DPP4: variants seen among roughly 807,000 people sequenced by gnomAD.
DPP4 encodes the protein dipeptidyl peptidase 4, also known as ADCP-2.
A neutral mutation model predicts 122.4 loss-of-function variants in DPP4; 93 were observed. The ratio of observed to expected loss-of-function variants is 0.76; its 90% CI spans 0.64 to 0.90. The LOEUF is 0.90. Among genes scored for constraint, DPP4 ranks in the 40% least tolerant of loss-of-function variants. The pLI is 0.00. For synonymous variants in DPP4, 321 were observed against 302.9 expected (o/e 1.06, Z -0.62); for missense variants, 914 against 907.3 (o/e 1.01, Z -0.09).
intron 11 of DPP4, among the ~76,000 whole-genome samples, chr2:162,024,287 C>A (rs1683239272): frequency 6.6e-6 from 1 of 152,242 alleles, no homozygotes; most frequent in African/African-American, 2.4e-5. Context: ...GTTGGATGAA[C>A]AGAGTTGGCC....
intron 12 of DPP4, 142 bp from the exon 13 acceptor site, chr2:162,020,830 A>G (rs1255502509): frequency 3.7e-6 from 2 of 538,708 alleles, no homozygotes; most frequent in Admixed American, 7.5e-5. Flanking sequence ...TAGTGTCTCA[A>G]AAAGAAAATT....
intron 2 of DPP4, among the ~76,000 whole-genome samples, chr2:162,067,016 T>C (rs1684969050): frequency 3.6e-5 from 1 of 27,672 alleles, no homozygotes; most frequent in Non-Finnish European, 8.8e-5. Flanking sequence ...TAGCAGGCCA[T>C]ATCCCCCATA....
At chr2:161,999,605 T>C (rs914431495) in intron 23 of DPP4, among the ~76,000 whole-genome samples, 1 of 152,184 alleles carries the variant, frequency 6.6e-6, no homozygotes, top group Non-Finnish European at 1.5e-5. Flanking sequence ...GAGCTTTTCC[T>C]TCAGTCCCCA....
chr2:162,011,901 A>G lies in DPP4; in HGVS notation c.1724T>C (p.Val575Ala). Residue 575 changes from valine (V) to alanine (A), a missense_variant, in exon 20 of 26, where the codon GTA (valine) becomes GCA (alanine). By Grantham distance (64) the Val-to-Ala change is moderately conservative. Coordinates refer to ENST00000360534, the MANE Select transcript of DPP4 (RefSeq NM_001935.4). ...ACTTCCTCTGCCATCAAAGCTAGCT[A>G]CTATAATGTTTTCTGTGCTTGCAAG... ...TYLASTENII[V>A]ASFDGRGSGY... 6.2e-7 allele frequency: 1 copy of G among 1,613,806 alleles called. No homozygotes were observed. Among genetic ancestry groups the G allele is most frequent in the Non-Finnish European group, 8.5e-7 (1 of 1,179,778 alleles).
chr2:162,012,885 G>A (rs540451706), intron 19 of DPP4, among the ~76,000 whole-genome samples: 2 of 152,114 alleles, frequency 1.3e-5, no homozygotes, highest in South Asian at 4.2e-4. Flanking sequence ...CTGCTTACAT[G>A]CCTTTGCTAA....
Position 161,993,202 on chromosome 2 carries a change from T to C in DPP4, c.*81A>G. On this transcript the variant is annotated 3_prime_UTR_variant, in exon 26 of 26. Coordinates refer to ENST00000360534, the MANE Select transcript of DPP4 (RefSeq NM_001935.4). ...TGAGTGTGTATTTTAAAGATCATCA[T>C]CATCTTGACAGTGCAGTTTTGAGAT... 1 of 1,089,286 alleles carries C rather than the reference T, an allele frequency of 9.2e-7. No homozygotes were observed. Among genetic ancestry groups the C allele is most frequent in the Non-Finnish European group, 1.4e-6 (1 of 718,766 alleles). The allele number at this position is 1,089,286 out of a possible 1,614,324, so 67.5% of individuals were successfully genotyped here.
chr2:162,043,746 C>T (rs1370880232), intron 5 of DPP4, among the ~76,000 whole-genome samples: 2 of 152,188 alleles, frequency 1.3e-5, no homozygotes, highest in Non-Finnish European at 2.9e-5. Context: ...TACTGAGGCT[C>T]ATCAGGCACA....
chr2:162,016,928 G>A (rs1461442878), intron 17 of DPP4, 62 bp from the exon 18 acceptor site: 2 of 1,486,400 alleles, frequency 1.3e-6, no homozygotes, highest in Non-Finnish European at 1.9e-6. Flanking sequence ...ATTATGTAGT[G>A]CAATAATGAG....
rs201282677 is a variant in DPP4 at position 162,038,443 on chromosome 2, C to T, written c.493-21G>A. The T allele has an allele frequency of 7.6e-6, 12 of 1,589,134 alleles. No homozygotes were observed. The African/African-American group carries it at 1.6e-4, about 22-fold the overall frequency. ...TATGCCTAGAAGGAAAAAAAACAAGCATTGATATCTATAATACATGTCATA... is the reference window on the plus strand; with the variant it reads ...TATGCCTAGAAGGAAAAAAAACAAGTATTGATATCTATAATACATGTCATA... On this transcript the variant is annotated intron_variant, in intron 7 of 25. Transcript: ENST00000360534.
intron 23 of DPP4, among the ~76,000 whole-genome samples, chr2:162,002,801 C>A (rs1016276656): frequency 4.6e-5 from 7 of 152,152 alleles, no homozygotes; most frequent in African/African-American, 1.7e-4. Context: ...TGTATTCCTG[C>A]CAGAGACAAA....
rs142229257 is a variant in DPP4 at position 161,995,004 on chromosome 2, A to G, written c.2156T>C (p.Ile719Thr). ...TCCAACATCGACCAGGGCTTTGGAG[A>G]TCTGAGCTGACTGCTGAAAGTGAAC... Reference protein sequence around the residue: ...DNVHFQQSAQISKALVDVGVD... With the variant: ...DNVHFQQSAQTSKALVDVGVD... Residue 719 changes from isoleucine (I) to threonine (T), a missense_variant, in exon 25 of 26, where the codon ATC (isoleucine) becomes ACC (threonine). By Grantham distance (89) the Ile-to-Thr change is moderately conservative. Coordinates refer to ENST00000360534, the MANE Select transcript of DPP4 (RefSeq NM_001935.4). 6 of 1,613,986 alleles carry G rather than the reference A, an allele frequency of 3.7e-6. No homozygotes were observed. The highest frequency in any genetic ancestry group is 5.1e-6 in the Non-Finnish European group (6 of 1,179,954).
At chr2:162,004,014 G>A (rs1422993844) in intron 23 of DPP4, among the ~76,000 whole-genome samples, 1 of 152,112 alleles carries the variant, frequency 6.6e-6, no homozygotes, top group Non-Finnish European at 1.5e-5. Flanking sequence ...CTGAATGGGT[G>A]GAGATGGAGG....
chr2:162,001,665 T>G (rs575951826), intron 23 of DPP4, among the ~76,000 whole-genome samples: 1 of 152,316 alleles, frequency 6.6e-6, no homozygotes, highest in African/African-American at 2.4e-5. Flanking sequence ...TGAGAGACCA[T>G]TCCTCACTGT....
chr2:162,004,221 A>T (rs1384752204), intron 23 of DPP4, among the ~76,000 whole-genome samples: 1 of 152,194 alleles, frequency 6.6e-6, no homozygotes, highest in East Asian at 1.9e-4. Flanking sequence ...GGTGGGAGTT[A>T]ATCTCCCAGC....
intron 4 of DPP4, among the ~76,000 whole-genome samples, chr2:162,046,457 G>A (rs1684175924): frequency 6.6e-6 from 1 of 152,142 alleles, no homozygotes; most frequent in South Asian, 2.1e-4. Context: ...CAGTGTGCTA[G>A]GACAGTGGGG....
intron 19 of DPP4, among the ~76,000 whole-genome samples, chr2:162,013,092 A>G (rs1316727944): frequency 6.6e-6 from 1 of 152,004 alleles, no homozygotes; most frequent in East Asian, 1.9e-4. Context: ...TATTAGGTAT[A>G]TATATCAAGT....
At chr2:162,025,049 G>T in intron 10 of DPP4, 110 bp from the exon 11 acceptor site, 1 of 1,207,436 alleles carries the variant, frequency 8.3e-7, no homozygotes, top group Non-Finnish European at 1.1e-6. Context: ...ATCTTAATGG[G>T]AAGTAGAATT....
intron 2 of DPP4, among the ~76,000 whole-genome samples, chr2:162,071,504 T>TG (rs1254260403): frequency 6.6e-6 from 1 of 151,902 alleles, no homozygotes; most frequent in African/African-American, 2.4e-5. Context: ...TATCCGGGCG[T>TG]GGTGGTGTGT....
At chr2:162,018,683 G>T in intron 16 of DPP4, 46 bp downstream of exon 16, 1 of 1,600,980 alleles carries the variant, frequency 6.2e-7, no homozygotes. Flanking sequence ...GCTTCGAAGT[G>T]AGTAACAGCG....
Sources: allele counts gnomAD v4.1 joint callset (sites outside exome capture counted in the v4.1 genomes callset), GRCh38; gene constraint gnomAD v4.1.1; transcripts MANE v1.5; gene names NCBI Gene and HGNC (gene_info 2026-07-23, HGNC 2026-07-21).